Variants in SLC15A1 observed in about 807,000 individuals in gnomAD.
SLC15A1 encodes Caco-2 oligopeptide transporter.
SLC15A1 carries 83 observed loss-of-function variants against 92.9 expected under a neutral mutation model. That is an observed-to-expected ratio of 0.89 (90% CI 0.75 to 1.07). The LOEUF is 1.07. Among genes scored for constraint, SLC15A1 ranks in the 50% least tolerant of loss-of-function variants. The pLI is 0.00. For missense variants in SLC15A1, 857 were observed against 880.1 expected, an observed-to-expected ratio of 0.97 and a Z score of 0.33; for synonymous variants, 322 against 318.2, an observed-to-expected ratio of 1.01 and a Z score of -0.13.
chr13:98,691,685 C>G (rs964787677), intron 18 of SLC15A1, among the ~76,000 whole-genome samples: 7 of 152,194 alleles, frequency 4.6e-5, no homozygotes, highest in Admixed American at 3.3e-4. Flanking sequence ...TGAATCATGA[C>G]GTTTTACTGA....
chr13:98,734,694 G>A lies in SLC15A1; in HGVS notation c.5-7835C>T, dbSNP rs2088376424. 1.3e-5 allele frequency among the ~76,000 whole-genome samples: 2 copies of A among 152,116 alleles called. 1 individual carries two copies. The highest frequency in any genetic ancestry group is 4.1e-4 in the South Asian group (2 of 4,828). ...CACAGAAATACAAACTACCATCAGA[G>A]AATACTATAAACACCTCTATGCAAA... is the stretch of plus-strand genomic sequence containing the variant. On this transcript the variant is annotated intron_variant, in intron 1 of 22. Transcript: ENST00000376503.
At chr13:98,713,277 G>A (rs1036743055) in intron 9 of SLC15A1, among the ~76,000 whole-genome samples, 18 of 151,896 alleles carry the variant, frequency 1.2e-4, no homozygotes, top group African/African-American at 4.4e-4. Flanking sequence ...GTCCAGACTG[G>A]TCTCAAATTC....
intron 18 of SLC15A1, among the ~76,000 whole-genome samples, chr13:98,697,763 C>A (rs2088034641): frequency 6.6e-6 from 1 of 151,998 alleles, no homozygotes; most frequent in Middle Eastern, 3.4e-3. Context: ...TTTCTCTTGA[C>A]AAGATATTTG....
intron 11 of SLC15A1, among the ~76,000 whole-genome samples, 193 bp downstream of exon 11, chr13:98,711,661 T>TTTTGGTTTTG (rs2088163571): frequency 9.4e-6 from 1 of 105,980 alleles, no homozygotes; most frequent in Admixed American, 1.0e-4. Context: ...CTAGAATTGC[T>TTTTGGTTTTG]TTTGGTTTTG....
intron 9 of SLC15A1, among the ~76,000 whole-genome samples, chr13:98,714,945 A>T (rs2088201860): frequency 6.6e-6 from 1 of 152,202 alleles, no homozygotes; most frequent in African/African-American, 2.4e-5. Context: ...GTGTATATGC[A>T]TATCCTATGG....
chr13:98,708,588 G>T, intron 15 of SLC15A1, 98 bp downstream of exon 15: 1 of 997,490 alleles, frequency 1.0e-6, no homozygotes, highest in Non-Finnish European at 1.4e-6. Context: ...GAAAGACCTT[G>T]GCCTCCCCTA....
At chr13:98,751,661 C>A (rs1228570798) in intron 1 of SLC15A1, among the ~76,000 whole-genome samples, 1 of 152,230 alleles carries the variant, frequency 6.6e-6, no homozygotes, top group East Asian at 1.9e-4. Flanking sequence ...CCTTAGGAAC[C>A]ACCACATGCT....
chr13:98,751,114 A>AT (rs34373331), intron 1 of SLC15A1, among the ~76,000 whole-genome samples: 4,189 of 151,518 alleles, frequency 0.028, 103 homozygotes, highest in African/African-American at 0.065. Flanking sequence ...CCATTAAACA[A>AT]TTTTTTTTTC....
chr13:98,690,056 C>T (rs543797624), intron 18 of SLC15A1, among the ~76,000 whole-genome samples: 30 of 152,256 alleles, frequency 2.0e-4, no homozygotes, highest in East Asian at 7.7e-4. Context: ...GTGACCAGGA[C>T]GGTGTTGCTC....
chr13:98,718,835 G>C (rs370933913), intron 8 of SLC15A1, among the ~76,000 whole-genome samples: 2 of 152,082 alleles, frequency 1.3e-5, no homozygotes. Flanking sequence ...TAGAGGTAGG[G>C]TCTCTCTCTG....
chr13:98,711,757 C>A, intron 11 of SLC15A1, 97 bp downstream of exon 11: 2 of 801,786 alleles, frequency 2.5e-6, no homozygotes, highest in Admixed American at 2.4e-5. Context: ...TGGAGGAGAA[C>A]TTTTTAGATG....
rs1295470978 is a variant in SLC15A1 at position 98,702,143 on chromosome 13, T to C, written c.1466+337A>G. 3.9e-5 allele frequency among the ~76,000 whole-genome samples: 6 copies of C among 152,346 alleles called. No homozygotes were observed. The East Asian group carries it at 1.2e-3, about 29-fold the overall frequency. The stretch of plus-strand genomic sequence containing the variant: ...GCTTTTAGACTTTCGCCATGAAGCA[T>C]AATATCAGCTCAAGCTTTTGTAGAT... On this transcript the variant is annotated intron_variant, in intron 18 of 22. Coordinates refer to ENST00000376503, the MANE Select transcript of SLC15A1 (RefSeq NM_005073.4).
intron 1 of SLC15A1, among the ~76,000 whole-genome samples, chr13:98,746,114 G>A (rs1467392242): frequency 6.6e-6 from 1 of 152,058 alleles, no homozygotes; most frequent in Non-Finnish European, 1.5e-5. Context: ...CTTATACGTG[G>A]GAAAATGCAG....
At chr13:98,730,925 G>A (rs930980798) in intron 1 of SLC15A1, among the ~76,000 whole-genome samples, 1 of 152,208 alleles carries the variant, frequency 6.6e-6, no homozygotes. Flanking sequence ...GGCCAACAGG[G>A]AGCCCTGGGA....
chr13:98,708,579 A>G, intron 15 of SLC15A1, 107 bp downstream of exon 15: 2 of 909,034 alleles, frequency 2.2e-6, no homozygotes, highest in Non-Finnish European at 3.2e-6. Flanking sequence ...GTTTACAGAG[A>G]AAGACCTTGG....
At chr13:98,749,343 A>G (rs2088522526) in intron 1 of SLC15A1, among the ~76,000 whole-genome samples, 1 of 152,236 alleles carries the variant, frequency 6.6e-6, no homozygotes, top group Non-Finnish European at 1.5e-5. Context: ...AGAATAAAGT[A>G]TCCTACTTTA....
At chr13:98,718,247 C>T (rs2088226316) in intron 8 of SLC15A1, among the ~76,000 whole-genome samples, 1 of 139,088 alleles carries the variant, frequency 7.2e-6, no homozygotes, top group Non-Finnish European at 1.5e-5. Flanking sequence ...TTGACAAGAA[C>T]AAAAGCTTTT....
chr13:98,684,562 A>G lies in SLC15A1; in HGVS notation c.*162T>C, dbSNP rs1215146452. 1.5e-5 allele frequency: 7 copies of G among 457,566 alleles called. No individual in the cohort carries two copies. Among genetic ancestry groups the G allele is most frequent in the Middle Eastern group, 6.2e-4 (1 of 1,624 alleles). The allele number at this position is 457,566 out of a possible 1,614,324, so 28.3% of individuals were successfully genotyped here. A position where few individuals can be genotyped will look rare whatever the true frequency, so the allele number is the denominator to read the frequency against. On this transcript the variant is annotated 3_prime_UTR_variant, in exon 23 of 23. Coordinates refer to ENST00000376503, the MANE Select transcript of SLC15A1 (RefSeq NM_005073.4). ...CTCTGTCTCAAAAAAAAAAAAAAAAAAAAAAAGAAAAGAAAAAGAAAAAAG... is the reference window on the plus strand; with the variant it reads ...CTCTGTCTCAAAAAAAAAAAAAAAAGAAAAAAGAAAAGAAAAAGAAAAAAG...
At chr13:98,722,614 ACTTAAAAAAT>A (rs967833523) in intron 5 of SLC15A1, among the ~76,000 whole-genome samples, 6 of 152,212 alleles carry the variant, frequency 3.9e-5, no homozygotes, top group African/African-American at 1.4e-4. Flanking sequence ...GCTTTTAAAC[ACTTAAAAAAT>A]TTTATGAGAC....
Sources: allele counts gnomAD v4.1 joint callset (sites outside exome capture counted in the v4.1 genomes callset), GRCh38; gene constraint gnomAD v4.1.1; transcripts MANE v1.5; gene names NCBI Gene and HGNC (gene_info 2026-07-23, HGNC 2026-07-21).